The following TOLLIP variants were observed in gnomAD, a reference collection of about 807,000 sequenced individuals.
TOLLIP encodes toll interacting protein.
A neutral mutation model predicts 33.5 loss-of-function variants in TOLLIP; 16 were observed. The observed-to-expected ratio is 0.48, with a 90% CI of 0.32 to 0.72. TOLLIP has a LOEUF of 0.72. Among genes scored for constraint, TOLLIP ranks in the 30% least tolerant of loss-of-function variants. The pLI, the probability that TOLLIP is intolerant of heterozygous loss-of-function variation, is 0.03. For synonymous variants in TOLLIP, 176 were observed against 163.7 expected (o/e 1.07, Z -0.57); for missense variants, 325 against 396.6 (o/e 0.82, Z 1.53).
chr11:1,286,864 C>A (rs1863718731), intron 4 of TOLLIP, among the ~76,000 whole-genome samples: 1 of 151,236 alleles, frequency 6.6e-6, no homozygotes, highest in Non-Finnish European at 1.5e-5. Flanking sequence ...AAACTGTCCA[C>A]TGCAGATAAG....
intron 1 of TOLLIP, among the ~76,000 whole-genome samples, chr11:1,304,304 GAC>G (rs199788465): frequency 0.011 from 1,741 of 152,210 alleles, 24 homozygotes; most frequent in South Asian, 0.067. Flanking sequence ...TAGCTGTCAG[GAC>G]ACAGAGAAAA....
chr11:1,284,312 G>C (rs544009171), intron 5 of TOLLIP, among the ~76,000 whole-genome samples: 2 of 151,842 alleles, frequency 1.3e-5, no homozygotes, highest in Admixed American at 1.3e-4. Context: ...TTCTTTCCTC[G>C]GTGACGGGGT....
intron 5 of TOLLIP, chr11:1,283,250 A>G (rs1863563684): frequency 4.1e-6 from 1 of 244,582 alleles, no homozygotes; most frequent in Non-Finnish European, 8.2e-6. Context: ...AGGCCACGTC[A>G]GCAGCCCCAC....
chr11:1,276,076 C>G lies in TOLLIP; in HGVS notation c.*963G>C, dbSNP rs1418860311. Reference sequence around the variant, plus strand: ...CGCCTCCCGCCTCAGAAAGCTTTTACAGGGCCACGCTCGCCAGGCTTTCCT... The same window carrying G: ...CGCCTCCCGCCTCAGAAAGCTTTTAGAGGGCCACGCTCGCCAGGCTTTCCT... On this transcript the variant is annotated 3_prime_UTR_variant, in exon 6 of 6. Coordinates refer to ENST00000317204, the MANE Select transcript of TOLLIP (RefSeq NM_019009.4). 1 of 152,336 alleles carries G rather than the reference C, an allele frequency of 6.6e-6. No homozygotes were observed. The highest frequency in any genetic ancestry group is 6.5e-5 in the Admixed American group (1 of 15,288). 9.4% of individuals were successfully genotyped at this position (152,336 alleles called of 1,614,324 possible).
chr11:1,306,733 G>A (rs1348279995), intron 1 of TOLLIP, among the ~76,000 whole-genome samples: 2 of 151,888 alleles, frequency 1.3e-5, no homozygotes, highest in African/African-American at 2.4e-5. Context: ...AGAGTGCTGC[G>A]CTGAGCCGGT....
Position 1,276,580 on chromosome 11 carries a change from T to G in TOLLIP, c.*459A>C. Reference sequence around the variant, plus strand: ...AAGCGCGTTAGGGCAAGGGCGTGAGTTTTCGTCTGGGAAGTTCTAAAAAAA... The same window carrying G: ...AAGCGCGTTAGGGCAAGGGCGTGAGGTTTCGTCTGGGAAGTTCTAAAAAAA... On this transcript the variant is annotated 3_prime_UTR_variant, in exon 6 of 6. Transcript: ENST00000317204. The G allele has an allele frequency of 9.4e-7, 1 of 1,064,270 alleles. No individual in the cohort carries two copies. Among genetic ancestry groups the G allele is most frequent in the Non-Finnish European group, 1.3e-6 (1 of 799,098 alleles). The allele number at this position is 1,064,270 out of a possible 1,614,324, so 65.9% of individuals were successfully genotyped here.
rs1863324345 is a variant in TOLLIP, at chr11:1,276,897, G to A, written c.*142C>T. The A allele has an allele frequency of 1.9e-6, 3 of 1,558,698 alleles. No individual in the cohort carries two copies. The highest frequency in any genetic ancestry group is 1.7e-4 in the Middle Eastern group (1 of 5,908). On this transcript the variant is annotated 3_prime_UTR_variant, in exon 6 of 6. Coordinates refer to ENST00000317204, the MANE Select transcript of TOLLIP (RefSeq NM_019009.4). Reference sequence around the variant, plus strand: ...AACCCACATGCACCCAAGAACAGGTGTGGACGGGGCGGCACAGAAGTCCAC... The same window carrying A: ...AACCCACATGCACCCAAGAACAGGTATGGACGGGGCGGCACAGAAGTCCAC...
intron 5 of TOLLIP, among the ~76,000 whole-genome samples, chr11:1,284,810 C>G (rs987724696): frequency 1.3e-5 from 2 of 152,364 alleles, no homozygotes; most frequent in Admixed American, 1.3e-4. Flanking sequence ...CCATGCTGTT[C>G]TCACAGGCAG....
At chr11:1,306,461 C>A (rs1256621703) in intron 1 of TOLLIP, among the ~76,000 whole-genome samples, 2 of 152,156 alleles carry the variant, frequency 1.3e-5, no homozygotes, top group Non-Finnish European at 2.9e-5. Flanking sequence ...CCCCCGGACC[C>A]TGGGGAGCAT....
At chr11:1,289,128 C>T (rs951709069) in intron 3 of TOLLIP, among the ~76,000 whole-genome samples, 8 of 152,204 alleles carry the variant, frequency 5.3e-5, no homozygotes, top group African/African-American at 1.4e-4. Context: ...CTTGCTCCAC[C>T]GGCTGCCACC....
chr11:1,278,057 C>T lies in TOLLIP; in HGVS notation c.611-804G>A, dbSNP rs889822491. On this transcript the variant is annotated intron_variant, in intron 5 of 5. Coordinates refer to ENST00000317204, the MANE Select transcript of TOLLIP (RefSeq NM_019009.4). This position sits in a 1 kb window ranked among gnomAD's most constrained non-coding sequence, Gnocchi z 4.7. ...GAGATGCAATCTATCGAGCAGGAGA[C>T]GCACGGCGGTTCAGCCACTGCAGCA... Among the ~76,000 whole-genome samples the T allele has an allele frequency of 2.4e-4, 36 of 152,186 alleles. No individual in the cohort carries two copies. Among genetic ancestry groups the T allele is most frequent in the Non-Finnish European group, 2.4e-4 (16 of 68,044 alleles).
At chr11:1,295,153 C>T (rs942472917) in intron 2 of TOLLIP, among the ~76,000 whole-genome samples, 5 of 152,234 alleles carry the variant, frequency 3.3e-5, no homozygotes, top group African/African-American at 9.6e-5. Context: ...TGATCAAAAT[C>T]GGCGTTCAAT....
chr11:1,302,619 G>A lies in TOLLIP; in HGVS notation c.34-6825C>T, dbSNP rs565889600. ...AGCCCCTGGCACTCCAGCCAGCCTC[G>A]GCCTCACGCTCCACACCAGCCTCCT... is the stretch of plus-strand genomic sequence containing the variant. On this transcript the variant is annotated intron_variant, in intron 1 of 5. Coordinates refer to ENST00000317204, the MANE Select transcript of TOLLIP (RefSeq NM_019009.4). 6.1e-6 allele frequency: 6 copies of A among 987,292 alleles called. 1 individual carries two copies. The highest frequency in any genetic ancestry group is 6.0e-6 in the Non-Finnish European group (5 of 831,424). 61.2% of individuals were successfully genotyped at this position (987,292 alleles called of 1,614,324 possible). A position where few individuals can be genotyped will look rare whatever the true frequency, so the allele number is the denominator to read the frequency against.
chr11:1,306,387 C>T (rs1245308182), intron 1 of TOLLIP, among the ~76,000 whole-genome samples: 1 of 152,038 alleles, frequency 6.6e-6, no homozygotes, highest in Admixed American at 6.5e-5. Flanking sequence ...CTTGCCGTCT[C>T]CCCTTATCAC....
intron 1 of TOLLIP, among the ~76,000 whole-genome samples, chr11:1,297,043 G>T (rs534547188): frequency 1.3e-5 from 2 of 149,914 alleles, no homozygotes; most frequent in East Asian, 2.0e-4. Flanking sequence ...CTGGTGGAGT[G>T]GGGTGGAGAC....
Position 1,290,497 on chromosome 11 carries a change from C to T in TOLLIP, c.184-88G>A, listed in dbSNP as rs143210443. On this transcript the variant is annotated intron_variant, in intron 2 of 5. Coordinates refer to ENST00000317204, the MANE Select transcript of TOLLIP (RefSeq NM_019009.4). This position sits in a 1 kb window ranked among gnomAD's most constrained non-coding sequence, Gnocchi z 4.9. ...GGCCGTCTGCCTCCCTGAACCCTTCCACGAGGCCTTTTCCTAACACATAGA... is the reference window on the plus strand; with the variant it reads ...GGCCGTCTGCCTCCCTGAACCCTTCTACGAGGCCTTTTCCTAACACATAGA... The T allele has an allele frequency of 3.6e-4, 462 of 1,279,754 alleles. 5 individuals are homozygous for T. The East Asian group carries it at 9.4e-3, about 26-fold the overall frequency. The allele number at this position is 1,279,754 out of a possible 1,614,324, so 79.3% of individuals were successfully genotyped here. A position where few individuals can be genotyped will look rare whatever the true frequency, so the allele number is the denominator to read the frequency against.
rs919263289 is a variant in TOLLIP, at chr11:1,276,763, G to A, written c.*276C>T. ...CTACAGCAAGAGCATTTTCCAGAAC[G>A]GCATGAGAAGGAGAGACGCACGTCC... On this transcript the variant is annotated 3_prime_UTR_variant, in exon 6 of 6. Coordinates refer to ENST00000317204, the MANE Select transcript of TOLLIP (RefSeq NM_019009.4). 33 of 1,495,084 alleles carry A rather than the reference G, an allele frequency of 2.2e-5. No homozygotes were observed. Among genetic ancestry groups the A allele is most frequent in the Non-Finnish European group, 2.8e-5 (31 of 1,120,658 alleles). The allele number at this position is 1,495,084 out of a possible 1,614,324, so 92.6% of individuals were successfully genotyped here.
intron 5 of TOLLIP, among the ~76,000 whole-genome samples, chr11:1,280,321 C>T (rs1036502149): frequency 9.2e-5 from 14 of 152,228 alleles, no homozygotes; most frequent in African/African-American, 2.2e-4. Context: ...ATGGTGCCAC[C>T]GCGTGCACGT....
intron 1 of TOLLIP, among the ~76,000 whole-genome samples, chr11:1,301,449 G>A (rs576856208): frequency 1.8e-4 from 26 of 148,102 alleles, no homozygotes; most frequent in East Asian, 6.0e-4. Context: ...CACATGTGTC[G>A]CGGGCTTCCG....
Sources: allele counts gnomAD v4.1 joint callset (sites outside exome capture counted in the v4.1 genomes callset), GRCh38; gene constraint gnomAD v4.1.1; non-coding constraint Gnocchi (gnomAD v3.1); transcripts MANE v1.5; gene names NCBI Gene and HGNC (gene_info 2026-07-23, HGNC 2026-07-21).